ZFAT: variants seen among roughly 807,000 people sequenced by gnomAD.
ZFAT encodes the protein zinc finger protein ZFAT.
A neutral mutation model predicts 117.7 loss-of-function variants in ZFAT; 64 were observed. That is an observed-to-expected ratio of 0.54 (90% confidence interval 0.44 to 0.67). The LOEUF (loss-of-function observed/expected upper bound fraction) is 0.67. ZFAT is among the 30% of genes least tolerant of loss of function. The probability of loss-of-function intolerance (pLI) is 0.00; values close to 1 mark genes in which losing one functional copy is unlikely to be tolerated. For missense variants in ZFAT, 1,433 were observed against 1,584.5 expected (o/e 0.90, Z 1.62); for synonymous variants, 679 against 615.0 (o/e 1.10, Z -1.54).
At chr8:134,611,466 C>T (rs567280585) in intron 3 of ZFAT, among the ~76,000 whole-genome samples, 106 of 152,264 alleles carry the variant, frequency 7.0e-4, no homozygotes, top group African/African-American at 2.1e-3. Flanking sequence ...CAGGGGAGGG[C>T]GTCAGAGCTG....
intron 3 of ZFAT, among the ~76,000 whole-genome samples, chr8:134,611,112 C>A (rs147183587): frequency 6.6e-6 from 1 of 152,218 alleles, no homozygotes; most frequent in African/African-American, 2.4e-5. Context: ...CTCTTGAGGG[C>A]CCCACCGTGC....
chr8:134,751,742 C>G, the ZFAT span, among the ~76,000 whole-genome samples: 1 of 152,068 alleles, frequency 6.6e-6, no homozygotes, highest in African/African-American at 2.4e-5. Flanking sequence ...CTTAAAATCC[C>G]TAGAAAAGGA....
intron 9 of ZFAT, among the ~76,000 whole-genome samples, chr8:134,584,660 C>T (rs1168058869): frequency 6.6e-6 from 1 of 152,132 alleles, no homozygotes; most frequent in East Asian, 1.9e-4. Flanking sequence ...TACTGAGGAC[C>T]TATTTTCATA....
chr8:134,656,882 G>A (rs747470332), intron 2 of ZFAT, among the ~76,000 whole-genome samples: 23 of 152,124 alleles, frequency 1.5e-4, no homozygotes, highest in Non-Finnish European at 2.5e-4. Flanking sequence ...TCTCTGATCC[G>A]TGCACCTGCT....
At chr8:134,588,514 A>G in intron 8 of ZFAT, 119 bp from the exon 9 acceptor site, 1 of 1,133,554 alleles carries the variant, frequency 8.8e-7, no homozygotes, top group Non-Finnish European at 1.2e-6. Context: ...CATGGTGTCC[A>G]GAGACAGGAT....
chr8:134,791,469 C>G, the ZFAT span, among the ~76,000 whole-genome samples: 463 of 152,304 alleles, frequency 3.0e-3, no homozygotes, highest in African/African-American at 0.011. Context: ...GCTGAGTTCA[C>G]TATTCTGGCT....
At chr8:134,571,624 C>A (rs1231997874) in intron 10 of ZFAT, among the ~76,000 whole-genome samples, 3 of 152,160 alleles carry the variant, frequency 2.0e-5, no homozygotes, top group African/African-American at 7.2e-5. Context: ...CTAGAGAGGA[C>A]AGAATGAGAC....
At chr8:134,638,848 C>A (rs1018822009) in intron 2 of ZFAT, among the ~76,000 whole-genome samples, 3 of 152,002 alleles carry the variant, frequency 2.0e-5, no homozygotes, top group Admixed American at 6.6e-5. Flanking sequence ...TGAGCGAGAC[C>A]AAGCAGAGAG....
chr8:134,615,745 C>A (rs1363880134), intron 3 of ZFAT, among the ~76,000 whole-genome samples: 1 of 152,252 alleles, frequency 6.6e-6, no homozygotes, highest in Non-Finnish European at 1.5e-5. Context: ...TGGCCTCATG[C>A]AACGTGGATC....
At chr8:134,611,195 A>G (rs757462380) in intron 3 of ZFAT, among the ~76,000 whole-genome samples, 4 of 152,224 alleles carry the variant, frequency 2.6e-5, no homozygotes, top group Non-Finnish European at 5.9e-5. Context: ...GAAATGAGCA[A>G]GGGTCTGAGA....
chr8:134,559,628 C>G (rs1823910608), intron 11 of ZFAT, among the ~76,000 whole-genome samples: 1 of 152,266 alleles, frequency 6.6e-6, no homozygotes, highest in South Asian at 2.1e-4. Flanking sequence ...GGGTCAAAGG[C>G]ACTAACACTC....
At chr8:134,595,919 A>G (rs1826892935) in intron 7 of ZFAT, among the ~76,000 whole-genome samples, 1 of 152,206 alleles carries the variant, frequency 6.6e-6, no homozygotes, top group Non-Finnish European at 1.5e-5. Context: ...GGTGGGAGAG[A>G]TGGCTACTTT....
Position 134,478,839 on chromosome 8 carries a change from C to T in ZFAT, c.3493-118G>A. The T allele has an allele frequency of 7.1e-7, 1 of 1,399,974 alleles. No individual in the cohort carries two copies. Among genetic ancestry groups the T allele is most frequent in the Non-Finnish European group, 9.6e-7 (1 of 1,045,458 alleles). 86.7% of individuals were successfully genotyped at this position (1,399,974 alleles called of 1,614,324 possible). A position where few individuals can be genotyped will look rare whatever the true frequency, so the allele number is the denominator to read the frequency against. On this transcript the variant is annotated intron_variant, in intron 15 of 15. Transcript: ENST00000377838. The surrounding 1 kb of genome is among the most constrained non-coding windows in gnomAD (Gnocchi z 5.2). ...TGCGCTGCGGGAGCACGTCCATTCTCCACGGATCCTCTCTACCAGGCTGTG... is the reference window on the plus strand; with the variant it reads ...TGCGCTGCGGGAGCACGTCCATTCTTCACGGATCCTCTCTACCAGGCTGTG...
chr8:134,745,508 T>C, the ZFAT span, among the ~76,000 whole-genome samples: 1 of 152,130 alleles, frequency 6.6e-6, no homozygotes, highest in Non-Finnish European at 1.5e-5. Flanking sequence ...ACTTTCTCTA[T>C]GACAGAGAAA....
chr8:134,545,083 T>C (rs1164005232), intron 11 of ZFAT, among the ~76,000 whole-genome samples: 1 of 152,232 alleles, frequency 6.6e-6, no homozygotes, highest in African/African-American at 2.4e-5. Context: ...AATAATTACA[T>C]CATGCTAGGT....
chr8:134,755,219 C>T, the ZFAT span, among the ~76,000 whole-genome samples: 20 of 143,006 alleles, frequency 1.4e-4, no homozygotes, highest in African/African-American at 4.7e-4. Flanking sequence ...GCCTGGGCAA[C>T]ATGGTGAAAC....
At chr8:134,699,514 T>C (rs914318182) in intron 1 of ZFAT, among the ~76,000 whole-genome samples, 1 of 152,086 alleles carries the variant, frequency 6.6e-6, no homozygotes, top group African/African-American at 2.4e-5. Flanking sequence ...CCCTGGGTCC[T>C]CATTAAATTA....
the ZFAT span, among the ~76,000 whole-genome samples, chr8:134,791,093 A>T: frequency 1.3e-5 from 2 of 152,242 alleles, no homozygotes; most frequent in African/African-American, 2.4e-5. Flanking sequence ...ATACTTCTGT[A>T]CATTTCATTC....
intron 9 of ZFAT, among the ~76,000 whole-genome samples, chr8:134,584,704 C>G (rs565487399): frequency 8.0e-4 from 121 of 152,194 alleles, no homozygotes; most frequent in African/African-American, 2.9e-3. Context: ...TGAATCCCAG[C>G]CTTCACTGTC....
Sources: gnomAD v4.1 joint callset for allele counts (sites outside exome capture counted in the v4.1 genomes callset) on GRCh38, gnomAD v4.1.1 for gene constraint, Gnocchi (gnomAD v3.1) non-coding constraint, MANE v1.5 for transcripts, NCBI Gene and HGNC (gene_info 2026-07-23, HGNC 2026-07-21) for gene names.